RGS6: variants seen among roughly 807,000 people sequenced by gnomAD.
RGS6 encodes the protein regulator of G protein signaling 6.
A neutral mutation model predicts 78.5 loss-of-function variants in RGS6; 30 were observed. That is an observed-to-expected ratio of 0.38 (90% CI 0.29 to 0.52). RGS6 has a LOEUF of 0.52. RGS6 is among the 20% of genes least tolerant of loss of function. The pLI is 0.85. For missense variants in RGS6, 495 were observed against 609.7 expected (o/e 0.81, Z 1.98); for synonymous variants, 206 against 206.0 (o/e 1.00, Z 0.00).
intron 13 of RGS6, among the ~76,000 whole-genome samples, chr14:72,497,270 C>A (rs1386934457): frequency 1.3e-5 from 2 of 152,148 alleles, no homozygotes; most frequent in African/African-American, 4.8e-5. Flanking sequence ...TTTGTCTTTG[C>A]AAATCCAAAA....
intron 1 of RGS6, among the ~76,000 whole-genome samples, chr14:71,954,074 T>A (rs941960876): frequency 1.4e-5 from 2 of 144,848 alleles, no homozygotes; most frequent in Non-Finnish European, 3.0e-5. Flanking sequence ...AGGTAAGGAA[T>A]CTGGCTTCTT....
chr14:72,402,790 G>GTTTTT (rs1167831473), intron 3 of RGS6, among the ~76,000 whole-genome samples: 85 of 75,792 alleles, frequency 1.1e-3, no homozygotes, highest in East Asian at 1.8e-3. Context: ...TGTTTTTTTG[G>GTTTTT]TTTTTTTTTT....
chr14:71,952,555 T>C (rs2092422688), intron 1 of RGS6, among the ~76,000 whole-genome samples: 1 of 151,426 alleles, frequency 6.6e-6, no homozygotes, highest in South Asian at 2.1e-4. Context: ...AATTGTACTA[T>C]TTTTGTCTGC....
At chr14:71,941,248 A>G (rs887108069) in intron 1 of RGS6, among the ~76,000 whole-genome samples, 2 of 152,206 alleles carry the variant, frequency 1.3e-5, no homozygotes, top group African/African-American at 4.8e-5. Flanking sequence ...TAGGAGTGTC[A>G]AAGGCATTTA....
At chr14:72,346,932 G>T (rs1014163859) in intron 2 of RGS6, among the ~76,000 whole-genome samples, 1 of 152,176 alleles carries the variant, frequency 6.6e-6, no homozygotes, top group Admixed American at 6.5e-5. Flanking sequence ...TGGCATAATG[G>T]TTTCCAGTGT....
At chr14:72,259,971 C>T (rs1008346574) in intron 2 of RGS6, among the ~76,000 whole-genome samples, 1 of 148,180 alleles carries the variant, frequency 6.7e-6, no homozygotes, top group Non-Finnish European at 1.5e-5. Flanking sequence ...ATTAAAACAA[C>T]CTCAACTTCC....
At chr14:72,005,990 T>G (rs983711171) in intron 2 of RGS6, among the ~76,000 whole-genome samples, 6 of 152,110 alleles carry the variant, frequency 3.9e-5, no homozygotes, top group African/African-American at 1.4e-4. Context: ...CCTCCAAAAA[T>G]ATTGATGTTA....
chr14:72,574,192 C>T, the RGS6 span, among the ~76,000 whole-genome samples: 2 of 152,222 alleles, frequency 1.3e-5, no homozygotes, highest in Non-Finnish European at 2.9e-5. Flanking sequence ...AGACTCATGG[C>T]TGCTCTCAGG....
chr14:72,379,119 A>G (rs2085423960), intron 3 of RGS6, among the ~76,000 whole-genome samples: 2 of 152,178 alleles, frequency 1.3e-5, no homozygotes, highest in South Asian at 4.1e-4. Flanking sequence ...AAAGCATTCA[A>G]TACAATTCAA....
At chr14:72,451,508 G>T (rs1041925964) in intron 3 of RGS6, among the ~76,000 whole-genome samples, 1 of 152,114 alleles carries the variant, frequency 6.6e-6, no homozygotes, top group African/African-American at 2.4e-5. Context: ...GTTGGGGGGA[G>T]CGGATATGAT....
chr14:72,360,050 A>G (rs1334009334), intron 3 of RGS6, among the ~76,000 whole-genome samples: 9 of 152,166 alleles, frequency 5.9e-5, no homozygotes, highest in Non-Finnish European at 1.2e-4. Flanking sequence ...TTTTAATTTA[A>G]TAAAAAGATA....
chr14:72,401,139 T>C (rs191289217), intron 3 of RGS6, among the ~76,000 whole-genome samples: 1 of 152,346 alleles, frequency 6.6e-6, no homozygotes, highest in Admixed American at 6.5e-5. Context: ...TTCTATCTTA[T>C]CTTTACCCCA....
chr14:72,013,826 G>A (rs760703458), intron 2 of RGS6, among the ~76,000 whole-genome samples: 4 of 152,096 alleles, frequency 2.6e-5, no homozygotes, highest in Non-Finnish European at 5.9e-5. Context: ...CTTTTCTCCT[G>A]ATTATAGATT....
At chr14:72,619,162 T>G in the RGS6 span, 2 of 852,764 alleles carry the variant, frequency 2.3e-6, no homozygotes, top group African/African-American at 3.4e-5. Context: ...GTTCCATGTG[T>G]CCCTGCCCCT....
chr14:72,301,795 G>A (rs759449140), intron 2 of RGS6, among the ~76,000 whole-genome samples: 6 of 152,180 alleles, frequency 3.9e-5, no homozygotes, highest in South Asian at 4.2e-4. Context: ...TCATCTTCAC[G>A]TGGTGTTCTA....
intron 2 of RGS6, among the ~76,000 whole-genome samples, chr14:71,982,149 G>A (rs547009853): frequency 2.7e-4 from 41 of 152,276 alleles, no homozygotes; most frequent in Middle Eastern, 3.4e-3. Flanking sequence ...TTCGGCTGGC[G>A]CATGGTGCGT....
At chr14:72,356,881 T>A (rs1315718580) in intron 3 of RGS6, among the ~76,000 whole-genome samples, 1 of 152,204 alleles carries the variant, frequency 6.6e-6, no homozygotes, top group East Asian at 1.9e-4. Flanking sequence ...CTTTATAAAT[T>A]ACCCAATCTT....
chr14:72,524,138 G>A lies in RGS6; in HGVS notation c.1278+5601G>A, dbSNP rs1020316259. On this transcript the variant is annotated intron_variant, in intron 15 of 17. Transcript: ENST00000553525. ...TGACTTTAGTACTCTCTGGGGTTTCGTAATTCTAAGCTGGATCCAAAAGAA... is the reference window on the plus strand; with the variant it reads ...TGACTTTAGTACTCTCTGGGGTTTCATAATTCTAAGCTGGATCCAAAAGAA... Among the ~76,000 whole-genome samples the A allele has an allele frequency of 3.5e-4, 54 of 152,308 alleles. 1 individual carries two copies. Among genetic ancestry groups the A allele is most frequent in the Admixed American group, 5.2e-4 (8 of 15,308 alleles).
the RGS6 span, among the ~76,000 whole-genome samples, chr14:71,873,917 C>G: frequency 1.6e-4 from 25 of 152,090 alleles, no homozygotes; most frequent in Admixed American, 1.3e-3. Context: ...CCCATTTCTT[C>G]TTTTTGTCAG....
Sources: gnomAD v4.1 joint callset for allele counts (sites outside exome capture counted in the v4.1 genomes callset) on GRCh38, gnomAD v4.1.1 for gene constraint, MANE v1.5 for transcripts, NCBI Gene and HGNC (gene_info 2026-07-23, HGNC 2026-07-21) for gene names.